The following BCL9 variants were observed in gnomAD, a reference collection of about 807,000 sequenced individuals.
BCL9 encodes B-cell CLL/lymphoma 9 protein.
BCL9 carries 25 observed loss-of-function variants against 88.5 expected under a neutral mutation model. The observed-to-expected ratio is 0.28, with a 90% CI of 0.21 to 0.39. The LOEUF is 0.39. Among genes scored for constraint, BCL9 ranks in the 10% least tolerant of loss-of-function variants. BCL9 has a pLI of 1.00. For missense variants in BCL9, 1,817 were observed against 1,877.8 expected (o/e 0.97, Z 0.60); for synonymous variants, 711 against 673.3 (o/e 1.06, Z -0.87).
intron 9 of BCL9, 24 bp downstream of exon 9, chr1:147,622,555 G>A: frequency 2.5e-6 from 4 of 1,613,722 alleles, no homozygotes; most frequent in Non-Finnish European, 3.4e-6. Flanking sequence ...AAGGCAGGTT[G>A]TGGAGTGAGT....
At chr1:147,573,569 G>A (rs371470536) in intron 1 of BCL9, among the ~76,000 whole-genome samples, 8 of 152,320 alleles carry the variant, frequency 5.3e-5, no homozygotes, top group East Asian at 1.9e-4. Flanking sequence ...GATAGGCTCC[G>A]GAGTGAGACC....
chr1:147,591,939 T>C (rs1350579763), intron 1 of BCL9, among the ~76,000 whole-genome samples: 4 of 152,212 alleles, frequency 2.6e-5, no homozygotes, highest in Non-Finnish European at 5.9e-5. Context: ...GACTGTAAGG[T>C]TCTGGAGGAG....
At chr1:147,615,322 A>G (rs1658222624) in intron 6 of BCL9, among the ~76,000 whole-genome samples, 1 of 152,214 alleles carries the variant, frequency 6.6e-6, no homozygotes, top group South Asian at 2.1e-4. Context: ...ATTTTTATAT[A>G]TAAATTTTTA....
At chr1:147,594,220 TG>T (rs367675656) in intron 1 of BCL9, among the ~76,000 whole-genome samples, 3 of 152,312 alleles carry the variant, frequency 2.0e-5, no homozygotes, top group African/African-American at 7.2e-5. Flanking sequence ...TAGAATTGAC[TG>T]ACGAGGGGAG....
intron 8 of BCL9, 113 bp downstream of exon 8, chr1:147,621,170 GT>G: frequency 8.3e-7 from 1 of 1,206,792 alleles, no homozygotes. Flanking sequence ...GGCAGTCTTT[GT>G]TGAAATGGCC....
At chr1:147,591,599 G>A (rs782104494) in intron 1 of BCL9, among the ~76,000 whole-genome samples, 16 of 152,216 alleles carry the variant, frequency 1.1e-4, no homozygotes, top group Middle Eastern at 3.4e-3. Context: ...AATAAACAGC[G>A]ACTGCCATTA....
intron 3 of BCL9, among the ~76,000 whole-genome samples, chr1:147,610,287 A>G (rs1553202466): frequency 6.6e-6 from 1 of 152,088 alleles, no homozygotes; most frequent in Non-Finnish European, 1.5e-5. Context: ...AAACATTCAT[A>G]ATGTTTTTAT....
chr1:147,623,942 C>A lies in BCL9; in HGVS notation c.3264C>A (p.His1088Gln). Residue 1088 changes from histidine (H) to glutamine (Q), a missense_variant, in exon 10 of 10, where the codon CAC becomes CAA. His to Gln is a conservative substitution (Grantham distance 24, BLOSUM62 0). This residue lies in a region of BCL9 where 589 missense variants were observed against 686.2 expected (regional missense o/e 0.86). Coordinates refer to ENST00000234739, the MANE Select transcript of BCL9 (RefSeq NM_004326.4). ...TGGGAATGACCCAGCCACTTTCTCA[C>A]TCCAATCAGATGCCCTCTCCAAATG... ...SPMGMTQPLS[H>Q]SNQMPSPNAV... 1 of 1,614,244 alleles carries A rather than the reference C, an allele frequency of 6.2e-7. No homozygotes were observed. Among genetic ancestry groups the A allele is most frequent in the South Asian group, 1.1e-5 (1 of 91,090 alleles).
intron 1 of BCL9, chr1:147,600,303 C>T (rs1017894837): frequency 1.8e-4 from 27 of 153,096 alleles, no homozygotes; most frequent in Non-Finnish European, 7.3e-5. Context: ...CCCTGCTCCG[C>T]ACCTCCTCTC....
intron 1 of BCL9, among the ~76,000 whole-genome samples, chr1:147,568,234 A>G (rs1655699142): frequency 6.6e-6 from 1 of 152,218 alleles, no homozygotes; most frequent in Non-Finnish European, 1.5e-5. Flanking sequence ...CATTGTGGTC[A>G]GATCATCTCC....
chr1:147,623,410 T>A (rs1264555492), intron 9 of BCL9, among the ~76,000 whole-genome samples: 3 of 152,256 alleles, frequency 2.0e-5, no homozygotes, highest in African/African-American at 7.2e-5. Context: ...TAATGCCAAA[T>A]GCCAATTGAA....
rs142730791 is a variant in BCL9, at chr1:147,615,895, C to T, written c.653C>T (p.Ala218Val). ...ISNNKTERST[A>V]PLNTQISALR... Reference sequence around the variant, plus strand: ...AACAACAAGACAGAGAGAAGCACAGCGCCTCTGGTATGTTGTTTCAGAAAC... The same window carrying T: ...AACAACAAGACAGAGAGAAGCACAGTGCCTCTGGTATGTTGTTTCAGAAAC... Residue 218 changes from alanine (A) to valine (V), a missense_variant, in exon 7 of 10, where the codon GCG becomes GTG. Physicochemically the swap from Ala to Val is moderately conservative, Grantham distance 64. Transcript: ENST00000234739. The T allele has an allele frequency of 1.6e-5, 25 of 1,612,222 alleles. No individual in the cohort carries two copies. The highest frequency in any genetic ancestry group is 1.1e-4 in the African/African-American group (8 of 74,990).
At chr1:147,605,044 A>G (rs1335758736) in intron 2 of BCL9, 133 bp downstream of exon 2, 3 of 152,230 alleles carry the variant, frequency 2.0e-5, no homozygotes, top group African/African-American at 7.2e-5. Flanking sequence ...TCTCAAGGCA[A>G]AAGTCATCAA....
At chr1:147,585,841 A>C (rs1656573915) in intron 1 of BCL9, among the ~76,000 whole-genome samples, 1 of 152,102 alleles carries the variant, frequency 6.6e-6, no homozygotes, top group Non-Finnish European at 1.5e-5. Flanking sequence ...TTTTATTATC[A>C]CCTGCTTTTC....
chr1:147,620,604 A>T lies in BCL9; in HGVS notation c.2449A>T (p.Met817Leu), dbSNP rs1241216349. The T allele has an allele frequency of 9.9e-6, 16 of 1,614,028 alleles. No individual in the cohort carries two copies. Among genetic ancestry groups the T allele is most frequent in the African/African-American group, 2.7e-5 (2 of 74,894 alleles). ...DQRTNSRLSH[M>L]PPLPLNPSSN... is the part of the protein sequence containing the mutation. ...GAGGACTAACAGCCGGCTCAGTCATATGCCACCACTACCTCTCAACCCTTC... is the reference window on the plus strand; with the variant it reads ...GAGGACTAACAGCCGGCTCAGTCATTTGCCACCACTACCTCTCAACCCTTC... Residue 817 changes from methionine to leucine, a missense_variant, in exon 8 of 10, where the codon ATG (methionine) becomes TTG (leucine). By Grantham distance (15) the Met-to-Leu change is conservative. Around this residue, in one of 2 missense-constraint regions of BCL9, gnomAD observed 1,228 missense variants for 1,191.6 expected, o/e 1.03. Coordinates refer to ENST00000234739, the MANE Select transcript of BCL9 (RefSeq NM_004326.4).
At chr1:147,589,172 T>C (rs1439624037) in intron 1 of BCL9, among the ~76,000 whole-genome samples, 1 of 152,180 alleles carries the variant, frequency 6.6e-6, no homozygotes, top group East Asian at 1.9e-4. Flanking sequence ...TGTTTTCCTT[T>C]GGTGAGCTCA....
intron 1 of BCL9, among the ~76,000 whole-genome samples, chr1:147,560,581 T>C (rs1655331727): frequency 7.2e-6 from 1 of 139,306 alleles, no homozygotes; most frequent in South Asian, 2.4e-4. Flanking sequence ...CACTCCAGCC[T>C]GGGGGACAAC....
At chr1:147,610,467 A>G (rs1553202477) in intron 3 of BCL9, among the ~76,000 whole-genome samples, 1 of 152,182 alleles carries the variant, frequency 6.6e-6, no homozygotes, top group Admixed American at 6.5e-5. Context: ...TAGTGCTACA[A>G]CCTAGGATAT....
At chr1:147,548,132 A>T (rs1449019215) in intron 1 of BCL9, among the ~76,000 whole-genome samples, 1 of 152,190 alleles carries the variant, frequency 6.6e-6, no homozygotes, top group East Asian at 1.9e-4. Context: ...TATCTGGGAT[A>T]ATACTAGATA....
Sources: gnomAD v4.1 joint callset for allele counts (sites outside exome capture counted in the v4.1 genomes callset) on GRCh38, gnomAD v4.1.1 for gene constraint, gnomAD v4.1.1 regional missense constraint, MANE v1.5 for transcripts, NCBI Gene and HGNC (gene_info 2026-07-23, HGNC 2026-07-21) for gene names.